The following FRMD4A variants were observed in gnomAD, a reference collection of about 807,000 sequenced individuals.
FRMD4A encodes the protein FERM domain-containing protein 4A.
Under a neutral mutation model 129.1 loss-of-function variants are expected in FRMD4A, and 29 were observed. The ratio of observed to expected loss-of-function variants is 0.22; its 90% CI spans 0.17 to 0.31. The LOEUF is 0.31. Ranked by LOEUF, FRMD4A falls within the 10% of genes least tolerant of loss-of-function variation. FRMD4A has a pLI of 1.00. For synonymous variants in FRMD4A, 634 were observed against 571.6 expected (o/e 1.11, Z -1.56); for missense variants, 1,272 against 1,375.8 (o/e 0.92, Z 1.19).
chr10:14,315,905 A>C (rs999441087), intron 2 of FRMD4A, among the ~76,000 whole-genome samples: 2 of 152,250 alleles, frequency 1.3e-5, no homozygotes, highest in South Asian at 2.1e-4. Context: ...TAGGAGCTAA[A>C]GAATCAATGG....
chr10:13,985,686 T>C (rs1034927006), intron 2 of FRMD4A, among the ~76,000 whole-genome samples: 3 of 152,206 alleles, frequency 2.0e-5, no homozygotes, highest in Non-Finnish European at 4.4e-5. Context: ...AGGTCCAGGC[T>C]GAGGGCATAA....
intron 2 of FRMD4A, among the ~76,000 whole-genome samples, chr10:14,004,465 C>T (rs1373207286): frequency 6.6e-6 from 1 of 152,066 alleles, no homozygotes; most frequent in African/African-American, 2.4e-5. Flanking sequence ...TCACTTGAAC[C>T]CAGGAGGTGG....
chr10:13,711,643 AATAAT>A (rs1432332602), intron 12 of FRMD4A, among the ~76,000 whole-genome samples: 1 of 152,264 alleles, frequency 6.6e-6, no homozygotes, highest in Non-Finnish European at 1.5e-5. Flanking sequence ...TAGTTCTACC[AATAAT>A]CAAAGAATGT....
At chr10:13,724,219 T>TAAAAATA (rs537020062) in intron 12 of FRMD4A, among the ~76,000 whole-genome samples, 304 of 152,262 alleles carry the variant, frequency 2.0e-3, no homozygotes, top group African/African-American at 6.5e-3. Context: ...AAACCCTGTC[T>TAAAAATA]CTACTAAAAA....
At chr10:13,845,885 C>T (rs1260996741) in intron 3 of FRMD4A, among the ~76,000 whole-genome samples, 3 of 152,308 alleles carry the variant, frequency 2.0e-5, no homozygotes, top group African/African-American at 4.8e-5. Context: ...TTGAAGCCAA[C>T]CCAACCGGCC....
intron 2 of FRMD4A, among the ~76,000 whole-genome samples, chr10:14,137,730 T>C (rs968398917): frequency 6.6e-6 from 1 of 152,234 alleles, no homozygotes; most frequent in African/African-American, 2.4e-5. Flanking sequence ...ATCAATTGCA[T>C]ATATGTTTTT....
intron 22 of FRMD4A, 140 bp downstream of exon 22, chr10:13,656,496 G>T: frequency 9.7e-7 from 1 of 1,034,346 alleles, no homozygotes; most frequent in Non-Finnish European, 1.3e-6. Context: ...GCATCTAACA[G>T]CAGCGTTCCC....
At chr10:13,842,635 G>A (rs561877729) in intron 3 of FRMD4A, among the ~76,000 whole-genome samples, 4 of 152,206 alleles carry the variant, frequency 2.6e-5, no homozygotes, top group Non-Finnish European at 4.4e-5. Flanking sequence ...AGCTTTTCCC[G>A]CATTGGTGGC....
chr10:14,264,725 G>A (rs2132038034), intron 2 of FRMD4A, among the ~76,000 whole-genome samples: 1 of 152,130 alleles, frequency 6.6e-6, no homozygotes, highest in South Asian at 2.1e-4. Flanking sequence ...ATTGATACAA[G>A]AAAGAACTAA....
At chr10:13,654,179 C>T in intron 23 of FRMD4A, 1 of 576,052 alleles carries the variant, frequency 1.7e-6, no homozygotes, top group Non-Finnish European at 3.1e-6. Context: ...TCCCCACATC[C>T]CAAGGACCAC....
chr10:14,281,948 G>T (rs1589261294), intron 2 of FRMD4A, among the ~76,000 whole-genome samples: 1 of 152,176 alleles, frequency 6.6e-6, no homozygotes, highest in African/African-American at 2.4e-5. Flanking sequence ...GAGATTGGGT[G>T]ATTTATAAAG....
chr10:14,032,816 A>C (rs1343581735), intron 2 of FRMD4A, among the ~76,000 whole-genome samples: 2 of 152,182 alleles, frequency 1.3e-5, no homozygotes, highest in Non-Finnish European at 2.9e-5. Context: ...TGCAGGAAGG[A>C]AATGGGGCTG....
At chr10:14,228,045 G>C (rs1255747957) in intron 2 of FRMD4A, among the ~76,000 whole-genome samples, 1 of 151,950 alleles carries the variant, frequency 6.6e-6, no homozygotes, top group Non-Finnish European at 1.5e-5. Flanking sequence ...AGCTAATTTT[G>C]ATATTTTTAG....
intron 2 of FRMD4A, among the ~76,000 whole-genome samples, chr10:13,973,833 G>A (rs1333044005): frequency 6.6e-6 from 1 of 152,040 alleles, no homozygotes; most frequent in African/African-American, 2.4e-5. Flanking sequence ...ACAGTACGCA[G>A]AAAATGATGC....
rs78589096 is a variant in FRMD4A at position 13,830,011 on chromosome 10, C to A, written c.112-19103G>T. ...GATCGGATCCTAGCAGTGACCTCAC[C>A]TGGGGATTTGACTGTGTGCTTCCCC... On this transcript the variant is annotated intron_variant, in intron 3 of 24. Transcript: ENST00000357447. Among the ~76,000 whole-genome samples the A allele has an allele frequency of 0.013, 1,952 of 152,338 alleles. 103 individuals are homozygous for A. In the East Asian group the frequency reaches 0.14, roughly 11 times the overall value.
chr10:14,052,531 AAG>A (rs1480736418), intron 2 of FRMD4A, among the ~76,000 whole-genome samples: 1 of 152,216 alleles, frequency 6.6e-6, no homozygotes, highest in Non-Finnish European at 1.5e-5. Context: ...GAGAGGAAGC[AAG>A]AGAGTGGGGA....
chr10:13,708,869 C>T (rs540456216), intron 12 of FRMD4A, among the ~76,000 whole-genome samples: 46 of 152,352 alleles, frequency 3.0e-4, no homozygotes, highest in Non-Finnish European at 4.7e-4. Context: ...ACAGGTTCCA[C>T]GACATTGGCC....
At chr10:14,321,572 G>T (rs906014280) in intron 2 of FRMD4A, among the ~76,000 whole-genome samples, 2 of 152,140 alleles carry the variant, frequency 1.3e-5, no homozygotes, top group African/African-American at 4.8e-5. Flanking sequence ...GACCAGATCT[G>T]TAAGTGAGTA....
chr10:13,917,733 C>T (rs1430295448), intron 2 of FRMD4A, among the ~76,000 whole-genome samples: 2 of 152,196 alleles, frequency 1.3e-5, no homozygotes, highest in Middle Eastern at 3.2e-3. Flanking sequence ...CTTTCTCATT[C>T]CCCAGTTGGC....
Sources: gnomAD v4.1 joint callset for allele counts (sites outside exome capture counted in the v4.1 genomes callset) on GRCh38, gnomAD v4.1.1 for gene constraint, MANE v1.5 for transcripts, NCBI Gene and HGNC (gene_info 2026-07-23, HGNC 2026-07-21) for gene names.